The following ZNF587 variants were observed in gnomAD, a reference collection of about 807,000 sequenced individuals.
ZNF587 encodes the protein zinc finger protein 587, also known as zinc finger protein zfp6.
In ZNF587, 8 loss-of-function variants were observed where a neutral mutation model predicts 7.5. That is an observed-to-expected ratio of 1.06 (90% CI 0.62 to 1.92). The LOEUF (loss-of-function observed/expected upper bound fraction) is 1.92. ZNF587 is among the 40% of genes most tolerant of loss of function. The pLI is 0.00. For missense variants in ZNF587, 468 were observed against 692.8 expected (o/e 0.68, Z 3.64); for synonymous variants, 145 against 237.8 (o/e 0.61, Z 3.59).
At chr19:57,853,607 A>G (rs1288365441) in intron 1 of ZNF587, among the ~76,000 whole-genome samples, 1 of 152,168 alleles carries the variant, frequency 6.6e-6, no homozygotes, top group Admixed American at 6.6e-5. Flanking sequence ...AGTGACCATC[A>G]TAACAGGACA....
rs774344712 is a variant in ZNF587, at chr19:57,860,122, C to G, written c.1710C>G (p.His570Gln). ...CCCTCCTTCATCATCAGAGTTCACACAGGAGAAAGGCCTTATGAGTGCAGT... is the reference window on the plus strand; with the variant it reads ...CCCTCCTTCATCATCAGAGTTCACAGAGGAGAAAGGCCTTATGAGTGCAGT... ...SSTLLHHQSS[H>Q]RRKAL Residue 570 changes from histidine to glutamine, a missense_variant, in exon 3 of 3, where the codon CAC becomes CAG. By Grantham distance (24) the His-to-Gln change is conservative. Around this residue, in one of 5 missense-constraint regions of ZNF587, gnomAD observed 310 missense variants for 325.6 expected, o/e 0.95. Coordinates refer to ENST00000339656, the MANE Select transcript of ZNF587 (RefSeq NM_032828.4). The G allele has an allele frequency of 8.1e-6, 13 of 1,613,372 alleles. No individual in the cohort carries two copies. The highest frequency in any genetic ancestry group is 5.0e-5 in the Admixed American group (3 of 59,972).
At chr19:57,853,726 C>G (rs1311539648) in intron 1 of ZNF587, 1 of 151,570 alleles carries the variant, frequency 6.6e-6, no homozygotes, top group Non-Finnish European at 1.5e-5. Context: ...GACACTTAGG[C>G]CTGAGTTGGT....
chr19:57,855,635 C>A (rs1290286628), intron 1 of ZNF587, among the ~76,000 whole-genome samples: 3 of 146,342 alleles, frequency 2.0e-5, no homozygotes, highest in African/African-American at 7.6e-5. Flanking sequence ...GATCTCGGCT[C>A]ACTACAAACC....
rs551731633 is a variant in ZNF587, at chr19:57,856,014, G to A, written c.34-90G>A. The A allele has an allele frequency of 2.6e-6, 4 of 1,567,038 alleles. No homozygotes were observed. In the African/African-American group the frequency reaches 4.1e-5, roughly 16 times the overall value. On this transcript the variant is annotated intron_variant, in intron 1 of 2. Transcript: ENST00000339656. ...CAACTCCGTGTTGGGGACCTTGGGA[G>A]GAGGATGGGCAAGGGTGGGTGTGTG...
chr19:57,855,786 C>A (rs910351992), intron 1 of ZNF587, among the ~76,000 whole-genome samples: 2 of 152,164 alleles, frequency 1.3e-5, no homozygotes, highest in African/African-American at 4.8e-5. Flanking sequence ...TAGTCTCTAT[C>A]CCCTGACTGC....
In ZNF587 at chr19:57,856,281, C is replaced by A. The variant is rs368530334; in HGVS notation, c.163+48C>A. 165 of 1,531,148 alleles carry A rather than the reference C, an allele frequency of 1.1e-4. 1 individual carries two copies. Among genetic ancestry groups the A allele is most frequent in the Admixed American group, 1.9e-4 (9 of 47,646 alleles). 94.8% of individuals were successfully genotyped at this position (1,531,148 alleles called of 1,614,324 possible). ...TGTGACCTGAGCTAGTGTTACTGTTCCCCTGTTTTTCATTGACAGGACTGT... is the reference window on the plus strand; with the variant it reads ...TGTGACCTGAGCTAGTGTTACTGTTACCCTGTTTTTCATTGACAGGACTGT... On this transcript the variant is annotated intron_variant, in intron 2 of 2. Transcript: ENST00000339656.
rs967196970 is a variant in ZNF587, at chr19:57,860,114, A to T, written c.1702A>T (p.Ser568Cys). The change falls in exon 3 of 3, where the codon AGT becomes TGT. Residue 568 changes from serine to cysteine, a missense_variant. Around this residue, in one of 5 missense-constraint regions of ZNF587, gnomAD observed 310 missense variants for 325.6 expected, o/e 0.95. Transcript: ENST00000339656. ...QRSSTLLHHQ[S>C]SHRRKAL ...AAGCTCTACCCTCCTTCATCATCAG[A>T]GTTCACACAGGAGAAAGGCCTTATG... The T allele has an allele frequency of 6.2e-7, 1 of 1,613,250 alleles. No individual in the cohort carries two copies. The highest frequency in any genetic ancestry group is 1.3e-5 in the African/African-American group (1 of 74,866).
chr19:57,856,091 G>C lies in ZNF587; in HGVS notation c.34-13G>C, dbSNP rs903386859. 2 of 1,612,752 alleles carry C rather than the reference G, an allele frequency of 1.2e-6. No homozygotes were observed. The highest frequency in any genetic ancestry group is 2.7e-5 in the African/African-American group (2 of 74,842). On this transcript the variant is annotated splice_polypyrimidine_tract_variant and intron_variant, in intron 1 of 2. Coordinates refer to ENST00000339656, the MANE Select transcript of ZNF587 (RefSeq NM_032828.4). Reference sequence around the variant, plus strand: ...AGAGGGGCTGCTTGTGGTTTCATCTGTCACTATCATAGCAGGGCACTGTGA... The same window carrying C: ...AGAGGGGCTGCTTGTGGTTTCATCTCTCACTATCATAGCAGGGCACTGTGA...
At chr19:57,855,631 G>A (rs1381412463) in intron 1 of ZNF587, among the ~76,000 whole-genome samples, 2 of 147,422 alleles carry the variant, frequency 1.4e-5, no homozygotes, top group Admixed American at 6.9e-5. Flanking sequence ...GTGTGATCTC[G>A]GCTCACTACA....
At chr19:57,852,340 C>T (rs950000478) in intron 1 of ZNF587, 6 of 398,452 alleles carry the variant, frequency 1.5e-5, no homozygotes, top group African/African-American at 1.0e-4. Flanking sequence ...GATATTACCA[C>T]AGTTCTACCT....
chr19:57,849,954 G>A lies in ZNF587; in HGVS notation c.-85G>A, dbSNP rs1003954114. 1.9e-6 allele frequency: 3 copies of A among 1,612,476 alleles called. No homozygotes were observed. Among genetic ancestry groups the A allele is most frequent in the African/African-American group, 2.7e-5 (2 of 74,932 alleles). On this transcript the variant is annotated 5_prime_UTR_variant, in exon 1 of 3. Transcript: ENST00000339656. Reference sequence around the variant, plus strand: ...GGTGACTGAACCTAGAAGGTGGAGAGGAATCGTCCTCGGTGCCCAGAGGCG... The same window carrying A: ...GGTGACTGAACCTAGAAGGTGGAGAAGAATCGTCCTCGGTGCCCAGAGGCG...
In ZNF587 at chr19:57,862,082, G is replaced by A. The variant is rs190978295; in HGVS notation, c.*1942G>A. On this transcript the variant is annotated 3_prime_UTR_variant, in exon 3 of 3. Coordinates refer to ENST00000339656, the MANE Select transcript of ZNF587 (RefSeq NM_032828.4). The stretch of plus-strand genomic sequence containing the variant: ...AGCCACTGTACCTGGCTGAATACTT[G>A]GTTTTCAGTACCACAAGAACTATGA... The A allele has an allele frequency of 6.6e-6, 1 of 151,962 alleles. No homozygotes were observed. Among genetic ancestry groups the A allele is most frequent in the Admixed American group, 6.6e-5 (1 of 15,246 alleles). 9.4% of individuals were successfully genotyped at this position (151,962 alleles called of 1,614,324 possible). A position where few individuals can be genotyped will look rare whatever the true frequency, so the allele number is the denominator to read the frequency against.
At position 57,861,213 on chromosome 19, in the gene ZNF587, T is replaced by C. The variant is rs560632051; in HGVS notation, c.*1073T>C. The C allele has an allele frequency of 3.9e-5, 6 of 152,302 alleles. No individual in the cohort carries two copies. Among genetic ancestry groups the C allele is most frequent in the African/African-American group, 1.4e-4 (6 of 41,558 alleles). 9.4% of individuals were successfully genotyped at this position (152,302 alleles called of 1,614,324 possible). A position where few individuals can be genotyped will look rare whatever the true frequency, so the allele number is the denominator to read the frequency against. On this transcript the variant is annotated 3_prime_UTR_variant, in exon 3 of 3. Transcript: ENST00000339656. ...AAATTATTGCTCATTTGTATATCTA[T>C]CTACCATCAGTGTCCAAGAATTTCT...
In ZNF587 at chr19:57,860,101, C is replaced by T; in HGVS notation, c.1689C>T (p.Leu563=). 2 of 1,613,370 alleles carry T rather than the reference C, an allele frequency of 1.2e-6. No homozygotes were observed. Among genetic ancestry groups the T allele is most frequent in the Non-Finnish European group, 1.7e-6 (2 of 1,179,416 alleles). ...AAACATTTCAGCGAAGCTCTACCCT[C>T]CTTCATCATCAGAGTTCACACAGGA... The part of the protein sequence containing the change: ...CGKTFQRSST[L]LHHQSSHRRK... The change falls in exon 3 of 3, where the codon CTC becomes CTT. Residue 563 remains leucine, a synonymous_variant. Coordinates refer to ENST00000339656, the MANE Select transcript of ZNF587 (RefSeq NM_032828.4).
rs2071481431 is a variant in ZNF587 at position 57,864,543 on chromosome 19, C to G, written c.*4403C>G. The G allele has an allele frequency of 6.6e-6, 1 of 152,014 alleles. No homozygotes were observed. Among genetic ancestry groups the G allele is most frequent in the Admixed American group, 6.6e-5 (1 of 15,224 alleles). The allele number at this position is 152,014 out of a possible 1,614,324, so 9.4% of individuals were successfully genotyped here. A position where few individuals can be genotyped will look rare whatever the true frequency, so the allele number is the denominator to read the frequency against. ...ATAGCAAGGTACAGTCAGATGTTAA[C>G]AGTCTCAGCCCCTAAATGTCACCTT... On this transcript the variant is annotated 3_prime_UTR_variant, in exon 3 of 3. Coordinates refer to ENST00000339656, the MANE Select transcript of ZNF587 (RefSeq NM_032828.4).
At position 57,859,383 on chromosome 19, in the gene ZNF587, A is replaced by G. The variant is rs1246180904; in HGVS notation, c.971A>G (p.Tyr324Cys). 1 of 1,609,156 alleles carries G rather than the reference A, an allele frequency of 6.2e-7. No homozygotes were observed. Among genetic ancestry groups the G allele is most frequent in the Non-Finnish European group, 8.5e-7 (1 of 1,179,726 alleles). ...CTTGTTCACACTGGAGAAGGGCCTTATGAGTGTAGAGAATGTGGGAAATCT... is the reference window on the plus strand; with the variant it reads ...CTTGTTCACACTGGAGAAGGGCCTTGTGAGTGTAGAGAATGTGGGAAATCT... ...HQLVHTGEGPYECRECGKSFG... is the reference protein window; with the variant it reads ...HQLVHTGEGPCECRECGKSFG... The change falls in exon 3 of 3, where the codon TAT becomes TGT. Residue 324 changes from tyrosine to cysteine, a missense_variant. Physicochemically the swap from Tyr to Cys is radical, Grantham distance 194. This residue lies in a region of ZNF587 where 310 missense variants were observed against 325.6 expected (regional missense o/e 0.95). Transcript: ENST00000339656.
intron 1 of ZNF587, 25 bp from the exon 2 acceptor site, chr19:57,856,079 G>C (rs777737452): frequency 1.6e-5 from 25 of 1,612,426 alleles, no homozygotes; most frequent in Non-Finnish European, 2.0e-5. Context: ...GGGGCTGCTT[G>C]TGGTTTCATC....
chr19:57,850,696 G>A, intron 1 of ZNF587: 1 of 397,422 alleles, frequency 2.5e-6, no homozygotes, highest in Non-Finnish European at 4.4e-6. Flanking sequence ...GGGTCCAGGT[G>A]GCCAGAGCAT....
intron 1 of ZNF587, 41 bp downstream of exon 1, chr19:57,850,112 T>TC (rs1376739435): frequency 6.2e-7 from 1 of 1,614,082 alleles, no homozygotes; most frequent in African/African-American, 1.3e-5. Flanking sequence ...CACCCCATCG[T>TC]CACCCAGGTC....
Sources: allele counts gnomAD v4.1 joint callset (sites outside exome capture counted in the v4.1 genomes callset), GRCh38; gene constraint gnomAD v4.1.1; regional missense constraint gnomAD v4.1.1; transcripts MANE v1.5; gene names NCBI Gene and HGNC (gene_info 2026-07-23, HGNC 2026-07-21).